PIWIL3: variants seen among roughly 807,000 people sequenced by gnomAD.
PIWIL3 encodes the protein piwi-like protein 3.
PIWIL3 carries 101 observed loss-of-function variants against 109.7 expected under a neutral mutation model. That is an observed-to-expected ratio of 0.92 (90% CI 0.78 to 1.09). The LOEUF is 1.09. Among genes scored for constraint, PIWIL3 ranks in the 50% least tolerant of loss-of-function variants. PIWIL3 has a pLI of 0.00. For missense variants in PIWIL3, 1,031 were observed against 1,072.6 expected, an observed-to-expected ratio of 0.96 and a Z score of 0.54; for synonymous variants, 373 against 376.4, an observed-to-expected ratio of 0.99 and a Z score of 0.10.
chr22:24,745,454 C>T (rs1310853765), intron 12 of PIWIL3, among the ~76,000 whole-genome samples: 5 of 151,764 alleles, frequency 3.3e-5, no homozygotes, highest in Non-Finnish European at 7.4e-5. Context: ...GACTGAGGCA[C>T]AAGAATTGCT....
At chr22:24,720,012 TAAG>T in intron 19 of PIWIL3, 117 bp from the exon 20 acceptor site, 13 of 873,480 alleles carry the variant, frequency 1.5e-5, no homozygotes, top group Non-Finnish European at 2.1e-5. Flanking sequence ...TTCTATAGAT[TAAG>T]TTTCCTTTAC....
chr22:24,727,485 CAACAACAACAACA>C (rs1923066646), intron 16 of PIWIL3, among the ~76,000 whole-genome samples: 1 of 151,654 alleles, frequency 6.6e-6, no homozygotes, highest in African/African-American at 2.4e-5. Context: ...TGACGGTCAA[CAACAACAACAACA>C]AACAACAACA....
At chr22:24,760,642 T>C (rs928644379) in intron 2 of PIWIL3, among the ~76,000 whole-genome samples, 1 of 151,614 alleles carries the variant, frequency 6.6e-6, no homozygotes, top group African/African-American at 2.4e-5. Flanking sequence ...TAGCTGGGCA[T>C]GGTGGCACAT....
At chr22:24,757,079 CAAAAAA>C (rs71189275) in intron 4 of PIWIL3, among the ~76,000 whole-genome samples, 3,400 of 91,742 alleles carry the variant, frequency 0.037, 90 homozygotes, top group African/African-American at 0.13. Context: ...AACTCCGTCT[CAAAAAA>C]AAAAAAAAAA....
chr22:24,750,059 C>T (rs545039795), intron 9 of PIWIL3, among the ~76,000 whole-genome samples: 3 of 152,322 alleles, frequency 2.0e-5, no homozygotes, highest in East Asian at 1.9e-4. Context: ...CCAAACATGA[C>T]GCTGGAGTCG....
At chr22:24,765,461 T>C (rs1172140917) in intron 1 of PIWIL3, among the ~76,000 whole-genome samples, 1 of 152,248 alleles carries the variant, frequency 6.6e-6, no homozygotes, top group Non-Finnish European at 1.5e-5. Context: ...AAAAGCATGA[T>C]GGGAAAATAT....
At chr22:24,756,736 A>G (rs1171519191) in intron 4 of PIWIL3, 31 bp from the exon 5 acceptor site, 1 of 1,564,204 alleles carries the variant, frequency 6.4e-7, no homozygotes, top group South Asian at 1.1e-5. Flanking sequence ...ACAATAAAGA[A>G]ACAGACTGAT....
At chr22:24,738,171 A>AGAAG (rs1373659856) in intron 12 of PIWIL3, among the ~76,000 whole-genome samples, 1 of 152,080 alleles carries the variant, frequency 6.6e-6, no homozygotes, top group Non-Finnish European at 1.5e-5. Flanking sequence ...AAAAAGAAAA[A>AGAAG]GAAGGAAGGG....
rs183586777 is a variant in PIWIL3, at chr22:24,753,925, T to C, written c.977+89A>G. The C allele has an allele frequency of 1.8e-4, 201 of 1,137,980 alleles. 1 individual carries two copies. The highest frequency in any genetic ancestry group is 2.5e-4 in the Middle Eastern group (1 of 3,962). The allele number at this position is 1,137,980 out of a possible 1,614,324, so 70.5% of individuals were successfully genotyped here. A position where few individuals can be genotyped will look rare whatever the true frequency, so the allele number is the denominator to read the frequency against. ...AATTTCTACTCCTCAACTTCAACAT[T>C]TAGTGATTAGAAAACTATAGGACCA... On this transcript the variant is annotated intron_variant, in intron 8 of 20. Coordinates refer to ENST00000616349, the MANE Select transcript of PIWIL3 (RefSeq NM_001255975.1).
chr22:24,731,977 T>C (rs536030857), intron 14 of PIWIL3, among the ~76,000 whole-genome samples: 2 of 152,296 alleles, frequency 1.3e-5, no homozygotes, highest in South Asian at 4.2e-4. Context: ...CATACAGGTG[T>C]TTCCTCATCA....
chr22:24,768,498 C>T (rs4820612), intron 1 of PIWIL3, among the ~76,000 whole-genome samples: 42,376 of 152,048 alleles, frequency 0.28, 6,365 homozygotes, highest in African/African-American at 0.36. Context: ...GTGATCCACC[C>T]GCCTCAGCAT....
chr22:24,750,882 G>C (rs930781115), intron 9 of PIWIL3, among the ~76,000 whole-genome samples: 3 of 151,042 alleles, frequency 2.0e-5, no homozygotes, highest in African/African-American at 2.4e-5. Context: ...CCAGCACTTC[G>C]GGAGGCCAAG....
Position 24,724,539 on chromosome 22 carries a change from A to T in PIWIL3, c.2231+348T>A, listed in dbSNP as rs149216033. On this transcript the variant is annotated intron_variant, in intron 18 of 20. Coordinates refer to ENST00000616349, the MANE Select transcript of PIWIL3 (RefSeq NM_001255975.1). ...AACCTCTGCCTCCCGGGTTCAAGTG[A>T]TTCTCCTGCCTCAGCCTCCCGAGTA... Among the ~76,000 whole-genome samples, 517 of 150,902 alleles carry T rather than the reference A, an allele frequency of 3.4e-3. 5 individuals carry two copies. The highest frequency in any genetic ancestry group is 0.012 in the African/African-American group (492 of 40,970).
At chr22:24,732,953 G>A (rs919863379) in intron 14 of PIWIL3, among the ~76,000 whole-genome samples, 3 of 152,220 alleles carry the variant, frequency 2.0e-5, no homozygotes, top group African/African-American at 7.2e-5. Flanking sequence ...AGAACAGGAA[G>A]CTTTGCTGGT....
chr22:24,761,926 G>C (rs1316112365), intron 2 of PIWIL3: 1 of 980,484 alleles, frequency 1.0e-6, no homozygotes, highest in African/African-American at 1.8e-5. Flanking sequence ...CCCCCTGGAG[G>C]TTGTCAGATG....
chr22:24,719,861 C>T lies in PIWIL3; in HGVS notation c.2392G>A (p.Asp798Asn), dbSNP rs1228890174. The T allele has an allele frequency of 6.2e-7, 1 of 1,611,482 alleles. No homozygotes were observed. The highest frequency in any genetic ancestry group is 2.2e-5 in the East Asian group (1 of 44,866). The stretch of plus-strand genomic sequence containing the variant: ...TAATGAGTGGGGGTAACAGTCCCAT[C>T]TTGCACAGACTGACTCACAATAAAA... ...DFFIVSQSVQ[D>N]GTVTPTHYNV... Residue 798 changes from aspartate (D) to asparagine (N), a missense_variant, in exon 20 of 21, where the codon GAT (aspartate) becomes AAT (asparagine). By Grantham distance (23) the Asp-to-Asn change is conservative. Transcript: ENST00000616349.
chr22:24,728,805 T>C (rs1440736547), intron 14 of PIWIL3, among the ~76,000 whole-genome samples: 1 of 152,232 alleles, frequency 6.6e-6, no homozygotes, highest in Non-Finnish European at 1.5e-5. Context: ...CAGGAACTTA[T>C]CACCATGTTG....
intron 12 of PIWIL3, among the ~76,000 whole-genome samples, chr22:24,737,151 G>A (rs1047724620): frequency 4.6e-5 from 7 of 152,186 alleles, no homozygotes; most frequent in Non-Finnish European, 7.4e-5. Flanking sequence ...CCAACTCAAT[G>A]GCAGCACAGC....
At chr22:24,771,816 C>G (rs1222205856) in intron 1 of PIWIL3, among the ~76,000 whole-genome samples, 1 of 152,074 alleles carries the variant, frequency 6.6e-6, no homozygotes, top group East Asian at 1.9e-4. Flanking sequence ...TCACTGCAAC[C>G]TCCACCTCCC....
Sources: allele counts gnomAD v4.1 joint callset (sites outside exome capture counted in the v4.1 genomes callset), GRCh38; gene constraint gnomAD v4.1.1; transcripts MANE v1.5; gene names NCBI Gene and HGNC (gene_info 2026-07-23, HGNC 2026-07-21).